NRG3: variants seen among roughly 807,000 people sequenced by gnomAD.
NRG3 encodes the protein neuregulin 3.
In NRG3, 31 loss-of-function variants were observed where a neutral mutation model predicts 66.9. The observed-to-expected ratio is 0.46, with a 90% confidence interval of 0.35 to 0.63. NRG3 has a LOEUF of 0.63. Among genes scored for constraint, NRG3 ranks in the 20% least tolerant of loss-of-function variants. NRG3 has a pLI of 0.00. For synonymous variants in NRG3, 393 were observed against 359.4 expected (o/e 1.09, Z -1.06); for missense variants, 910 against 878.9 (o/e 1.04, Z -0.45).
intron 1 of NRG3, among the ~76,000 whole-genome samples, chr10:82,053,423 G>C (rs951838888): frequency 1.3e-5 from 2 of 152,152 alleles, no homozygotes; most frequent in Non-Finnish European, 2.9e-5. Flanking sequence ...CAGCCAGCTG[G>C]AAGATAAGAG....
intron 2 of NRG3, among the ~76,000 whole-genome samples, chr10:82,517,629 G>GCC (rs570369748): frequency 4.5e-3 from 316 of 70,466 alleles, no homozygotes; most frequent in African/African-American, 0.021. Flanking sequence ...CTCTCACCCC[G>GCC]CCCCCCCGTG....
chr10:82,627,536 G>A (rs1727064238), intron 2 of NRG3, among the ~76,000 whole-genome samples: 1 of 152,092 alleles, frequency 6.6e-6, no homozygotes, highest in African/African-American at 2.4e-5. Flanking sequence ...AAGATGGCTG[G>A]CAATTTTCTG....
intron 1 of NRG3, among the ~76,000 whole-genome samples, chr10:82,273,886 T>G (rs967059930): frequency 6.6e-6 from 1 of 152,032 alleles, no homozygotes; most frequent in African/African-American, 2.4e-5. Context: ...ACAAAGCTTG[T>G]AGGCGATGAC....
intron 2 of NRG3, among the ~76,000 whole-genome samples, chr10:82,482,419 A>C (rs1842347504): frequency 6.6e-6 from 1 of 152,156 alleles, no homozygotes; most frequent in African/African-American, 2.4e-5. Flanking sequence ...CCCCTTTTCC[A>C]GTATTGAGCT....
intron 2 of NRG3, among the ~76,000 whole-genome samples, chr10:82,578,663 T>G (rs2046177235): frequency 6.6e-6 from 1 of 151,726 alleles, no homozygotes. Flanking sequence ...GCCTGACTCC[T>G]AAATAGCTAC....
intron 1 of NRG3, among the ~76,000 whole-genome samples, chr10:82,257,099 C>T (rs529369911): frequency 6.6e-6 from 1 of 152,256 alleles, no homozygotes; most frequent in East Asian, 1.9e-4. Context: ...GTCTTAAATT[C>T]TCAAAAGGAG....
intron 2 of NRG3, among the ~76,000 whole-genome samples, chr10:82,567,753 G>C (rs1214278919): frequency 6.6e-6 from 1 of 151,910 alleles, no homozygotes; most frequent in African/African-American, 2.4e-5. Flanking sequence ...TGCTGGTACT[G>C]CTTCCAAATG....
At chr10:81,991,238 G>T (rs192011719) in intron 1 of NRG3, among the ~76,000 whole-genome samples, 157 of 152,182 alleles carry the variant, frequency 1.0e-3, no homozygotes, top group African/African-American at 3.4e-3. Flanking sequence ...TCAAATGGAT[G>T]CATTATTATA....
chr10:82,090,257 A>G (rs879392049), intron 1 of NRG3, among the ~76,000 whole-genome samples: 55 of 152,210 alleles, frequency 3.6e-4, no homozygotes, highest in Admixed American at 2.4e-3. Context: ...AAATGAATAC[A>G]TAGTTTCAAT....
chr10:81,901,242 C>G (rs1267983591), intron 1 of NRG3, among the ~76,000 whole-genome samples: 2 of 152,214 alleles, frequency 1.3e-5, no homozygotes, highest in East Asian at 3.8e-4. Flanking sequence ...GCACTGTCAT[C>G]TCCACTACCT....
At chr10:82,856,743 C>CAAAAAAAAAA (rs371581250) in intron 3 of NRG3, among the ~76,000 whole-genome samples, 4 of 66,342 alleles carry the variant, frequency 6.0e-5, no homozygotes, top group Non-Finnish European at 1.2e-4. Context: ...GACTCTGTCT[C>CAAAAAAAAAA]AAAAAAAAAA....
chr10:82,558,670 G>C (rs969107303), intron 2 of NRG3, among the ~76,000 whole-genome samples: 1 of 152,184 alleles, frequency 6.6e-6, no homozygotes, highest in South Asian at 2.1e-4. Flanking sequence ...ATAATGCAAA[G>C]ACGTCAAATT....
intron 4 of NRG3, among the ~76,000 whole-genome samples, chr10:82,942,318 T>C (rs540648930): frequency 5.9e-4 from 90 of 152,326 alleles, no homozygotes; most frequent in African/African-American, 1.7e-3. Flanking sequence ...TTTCTTTCGG[T>C]AGCATTCTTT....
chr10:82,900,148 T>A (rs1844071767), intron 4 of NRG3, among the ~76,000 whole-genome samples: 1 of 151,976 alleles, frequency 6.6e-6, no homozygotes, highest in African/African-American at 2.4e-5. Context: ...TCATGAGAAG[T>A]CACACAGTAT....
At chr10:82,728,238 A>G (rs1304464203) in intron 2 of NRG3, among the ~76,000 whole-genome samples, 1 of 152,142 alleles carries the variant, frequency 6.6e-6, no homozygotes, top group Non-Finnish European at 1.5e-5. Context: ...TGAGGTCATG[A>G]GATTTCAGAG....
Position 82,831,050 on chromosome 10 carries a change from CT to C in NRG3, c.1028-34359del, listed in dbSNP as rs1177319331. Among the ~76,000 whole-genome samples the C allele has an allele frequency of 1.1e-4, 17 of 152,314 alleles. No individual in the cohort carries two copies. The South Asian group carries it at 3.5e-3, about 32-fold the overall frequency. Reference sequence around the variant, plus strand: ...TCACTGCTAATTTATTAATTTACGTCTTGCTCAAGACCTATTTATGTCCCTC... The same window carrying C: ...TCACTGCTAATTTATTAATTTACGTCTGCTCAAGACCTATTTATGTCCCTC... On this transcript the variant is annotated intron_variant, in intron 3 of 8. Coordinates refer to ENST00000372141, the MANE Select transcript of NRG3 (RefSeq NM_001010848.4).
intron 2 of NRG3, among the ~76,000 whole-genome samples, chr10:82,520,209 T>G (rs1298867563): frequency 6.7e-6 from 1 of 150,048 alleles, no homozygotes; most frequent in Non-Finnish European, 1.5e-5. Context: ...GTTATTTCAG[T>G]GTATGGAATA....
intron 1 of NRG3, among the ~76,000 whole-genome samples, chr10:82,237,465 C>T (rs999802367): frequency 1.2e-4 from 18 of 152,210 alleles, no homozygotes; most frequent in African/African-American, 4.3e-4. Context: ...CAATCATTTA[C>T]TTATTTTTGT....
chr10:82,114,292 A>T (rs527366261), intron 1 of NRG3, among the ~76,000 whole-genome samples: 2 of 152,098 alleles, frequency 1.3e-5, no homozygotes, highest in African/African-American at 4.8e-5. Flanking sequence ...TAGTGTGCCA[A>T]TTTCTTTGTG....
Sources: gnomAD v4.1 joint callset for allele counts (sites outside exome capture counted in the v4.1 genomes callset) on GRCh38, gnomAD v4.1.1 for gene constraint, MANE v1.5 for transcripts, NCBI Gene and HGNC (gene_info 2026-07-23, HGNC 2026-07-21) for gene names.